ADAM22: variants seen among roughly 807,000 people sequenced by gnomAD.
ADAM22 encodes disintegrin and metalloproteinase domain-containing protein 22.
In ADAM22, 65 loss-of-function variants were observed where a neutral mutation model predicts 144.6. That is an observed-to-expected ratio of 0.45 (90% CI 0.37 to 0.55). The LOEUF (loss-of-function observed/expected upper bound fraction) is 0.55. ADAM22 is among the 20% of genes least tolerant of loss of function. ADAM22 has a pLI of 0.00. For synonymous variants in ADAM22, 391 were observed against 412.6 expected (o/e 0.95, Z 0.63); for missense variants, 974 against 1,184.9 (o/e 0.82, Z 2.61).
At chr7:88,024,591 T>G (rs992042766) in intron 3 of ADAM22, among the ~76,000 whole-genome samples, 1 of 152,178 alleles carries the variant, frequency 6.6e-6, no homozygotes, top group African/African-American at 2.4e-5. Flanking sequence ...AGGGTACATG[T>G]GCACAACGTG....
At chr7:88,047,963 A>T (rs1416478954) in intron 3 of ADAM22, among the ~76,000 whole-genome samples, 2 of 152,118 alleles carry the variant, frequency 1.3e-5, no homozygotes, top group Non-Finnish European at 2.9e-5. Context: ...ATTAGCAATA[A>T]AAAAGAAGTG....
At chr7:88,195,188 CTTTA>C (rs779462180) in intron 31 of ADAM22, among the ~76,000 whole-genome samples, 29 of 152,106 alleles carry the variant, frequency 1.9e-4, no homozygotes, top group East Asian at 5.8e-4. Context: ...TGTTCATAGG[CTTTA>C]TTTGTTTATG....
intron 3 of ADAM22, among the ~76,000 whole-genome samples, chr7:88,013,258 C>T (rs991706640): frequency 6.6e-6 from 1 of 152,118 alleles, no homozygotes; most frequent in Non-Finnish European, 1.5e-5. Context: ...GCAGTTTGCC[C>T]TGTGACTCTG....
intron 3 of ADAM22, among the ~76,000 whole-genome samples, chr7:88,032,541 G>A (rs1800543811): frequency 2.0e-5 from 3 of 152,128 alleles, no homozygotes; most frequent in African/African-American, 4.8e-5. Context: ...ATGTGACTTT[G>A]GACTTGGACT....
chr7:88,083,985 T>G (rs1469600842), intron 4 of ADAM22, among the ~76,000 whole-genome samples: 2 of 152,184 alleles, frequency 1.3e-5, no homozygotes, highest in Non-Finnish European at 2.9e-5. Flanking sequence ...GCTTCACTTC[T>G]CTATTTTGTA....
intron 2 of ADAM22, among the ~76,000 whole-genome samples, chr7:87,956,876 C>G (rs561531792): frequency 1.4e-4 from 21 of 152,256 alleles, no homozygotes; most frequent in African/African-American, 5.1e-4. Context: ...GTGCCGTGAA[C>G]ATGTGTGTAA....
At chr7:88,178,880 C>A (rs1282102522) in intron 26 of ADAM22, 55 bp from the exon 27 acceptor site, 1 of 1,103,816 alleles carries the variant, frequency 9.1e-7, no homozygotes. Context: ...TTGTATATGT[C>A]TGTGTTCATG....
At chr7:87,946,865 A>T (rs1425030168) in intron 2 of ADAM22, among the ~76,000 whole-genome samples, 1 of 152,222 alleles carries the variant, frequency 6.6e-6, no homozygotes. Context: ...ATGGAATACT[A>T]TGCAGCCTTA....
At chr7:87,944,296 A>ACACAATTTGCTGGTG (rs1843042426) in intron 2 of ADAM22, among the ~76,000 whole-genome samples, 3 of 151,584 alleles carry the variant, frequency 2.0e-5, no homozygotes, top group African/African-American at 7.3e-5. Context: ...ATTTGCTGGT[A>ACACAATTTGCTGGTG]CACACAATTT....
At chr7:88,030,004 T>C (rs1214029230) in intron 3 of ADAM22, among the ~76,000 whole-genome samples, 1 of 152,174 alleles carries the variant, frequency 6.6e-6, no homozygotes, top group Non-Finnish European at 1.5e-5. Context: ...TAAGTATTGA[T>C]ATCTTTCTCT....
chr7:88,192,001 C>T (rs1302811263), intron 30 of ADAM22, among the ~76,000 whole-genome samples: 1 of 152,036 alleles, frequency 6.6e-6, no homozygotes, highest in Non-Finnish European at 1.5e-5. Context: ...GCATGCAAAC[C>T]AAAATTTAAA....
chr7:88,079,226 A>G (rs1211381144), intron 4 of ADAM22, among the ~76,000 whole-genome samples: 1 of 152,172 alleles, frequency 6.6e-6, no homozygotes, highest in Non-Finnish European at 1.5e-5. Context: ...TCAACCCAGA[A>G]TTTCATAACC....
At chr7:88,097,228 T>C (rs1490134550) in intron 4 of ADAM22, among the ~76,000 whole-genome samples, 1 of 149,180 alleles carries the variant, frequency 6.7e-6, no homozygotes, top group African/African-American at 2.5e-5. Flanking sequence ...CTCGGCTCAC[T>C]GCAACCTCCA....
chr7:88,074,939 T>A (rs868667295), intron 3 of ADAM22, among the ~76,000 whole-genome samples: 1 of 152,196 alleles, frequency 6.6e-6, no homozygotes, highest in African/African-American at 2.4e-5. Context: ...ATGCATTTTT[T>A]AAAATTTATT....
rs750227700 is a variant in ADAM22 at position 88,067,648 on chromosome 7, G to A, written c.324-7978G>A. Among the ~76,000 whole-genome samples, 23 of 152,056 alleles carry A rather than the reference G, an allele frequency of 1.5e-4. 1 individual carries two copies. Among genetic ancestry groups the A allele is most frequent in the Non-Finnish European group, 2.2e-4 (15 of 68,006 alleles). On this transcript the variant is annotated intron_variant, in intron 3 of 31. Transcript: ENST00000413139. ...AAAAATCTGATTCTGCTGCAAAGCC[G>A]GCTTGGAAAACTTTGCTTTATTAGG...
chr7:88,134,028 T>C (rs1050433025), intron 12 of ADAM22, among the ~76,000 whole-genome samples: 1 of 152,232 alleles, frequency 6.6e-6, no homozygotes, highest in Non-Finnish European at 1.5e-5. Flanking sequence ...TATACCAATA[T>C]TGAATTTTTC....
chr7:87,965,315 A>C (rs778408333), intron 2 of ADAM22, among the ~76,000 whole-genome samples: 2 of 152,184 alleles, frequency 1.3e-5, no homozygotes, highest in Non-Finnish European at 2.9e-5. Flanking sequence ...TTTAGCAGGT[A>C]CTTTGCTCTT....
Position 87,978,120 on chromosome 7 carries a change from C to T in ADAM22, c.247-216C>T, listed in dbSNP as rs929001966. On this transcript the variant is annotated intron_variant, in intron 2 of 31. Coordinates refer to ENST00000413139, the MANE Select transcript of ADAM22 (RefSeq NM_001324418.2). ...TGAGGTAAACTAGAAAAGTAGGGCA[C>T]TTGTCCTCTTTGATTGGGTGGTAAT... 2.9e-4 allele frequency among the ~76,000 whole-genome samples: 44 copies of T among 152,262 alleles called. 1 individual carries two copies. The highest frequency in any genetic ancestry group is 5.2e-4 in the Admixed American group (8 of 15,292).
In ADAM22 at chr7:88,186,596, C is replaced by T; in HGVS notation, c.2664-19C>T. 1.3e-6 allele frequency: 2 copies of T among 1,505,246 alleles called. No homozygotes were observed. The highest frequency in any genetic ancestry group is 1.8e-6 in the Non-Finnish European group (2 of 1,081,180). The allele number at this position is 1,505,246 out of a possible 1,614,324, so 93.2% of individuals were successfully genotyped here. A position where few individuals can be genotyped will look rare whatever the true frequency, so the allele number is the denominator to read the frequency against. ...CTATCTTGTTCTGCTTTCTTTGTTC[C>T]TTCCATTGCTTTCTGCAGGTATTTA... On this transcript the variant is annotated intron_variant, in intron 29 of 31. Coordinates refer to ENST00000413139, the MANE Select transcript of ADAM22 (RefSeq NM_001324418.2).
Sources: allele counts gnomAD v4.1 joint callset (sites outside exome capture counted in the v4.1 genomes callset), GRCh38; gene constraint gnomAD v4.1.1; transcripts MANE v1.5; gene names NCBI Gene and HGNC (gene_info 2026-07-23, HGNC 2026-07-21).